Variants in MAD1L1 observed in about 807,000 individuals in gnomAD.
The protein encoded by MAD1L1 is mitotic spindle assembly checkpoint protein MAD1.
In MAD1L1, 95 loss-of-function variants were observed where a neutral mutation model predicts 96.9. The observed-to-expected ratio is 0.98, with a 90% confidence interval of 0.83 to 1.16. The LOEUF is 1.16. MAD1L1 is among the 50% of genes most tolerant of loss of function. The probability of loss-of-function intolerance (pLI) is 0.00; values close to 1 mark genes in which losing one functional copy is unlikely to be tolerated. For synonymous variants in MAD1L1, 473 were observed against 396.6 expected (o/e 1.19, Z -2.29); for missense variants, 1,007 against 954.4 (o/e 1.06, Z -0.73).
intron 17 of MAD1L1, among the ~76,000 whole-genome samples, chr7:1,905,201 T>A (rs1190920383): frequency 1.1e-5 from 1 of 94,906 alleles, no homozygotes; most frequent in Non-Finnish European, 2.3e-5. Context: ...CGGAAGACGC[T>A]CTTGCGGAAT....
chr7:1,901,413 G>C (rs1233786341), intron 17 of MAD1L1, among the ~76,000 whole-genome samples: 1 of 152,198 alleles, frequency 6.6e-6, no homozygotes, highest in African/African-American at 2.4e-5. Context: ...TCCTCTCAGA[G>C]ACCCCAGAAG....
chr7:2,065,855 C>G (rs910144962), intron 12 of MAD1L1, among the ~76,000 whole-genome samples: 1 of 152,180 alleles, frequency 6.6e-6, no homozygotes, highest in Non-Finnish European at 1.5e-5. Context: ...GGAGGCTTTT[C>G]TGTCATTTGA....
intron 18 of MAD1L1, among the ~76,000 whole-genome samples, chr7:1,882,983 TCACCAAACCTCG>T: frequency 9.2e-6 from 1 of 109,218 alleles, no homozygotes; most frequent in African/African-American, 4.1e-5. Context: ...CAGCTCCTTA[TCACCAAACCTCG>T]TGCCACAAAC....
chr7:2,175,956 G>C (rs962245162), intron 10 of MAD1L1, among the ~76,000 whole-genome samples: 3 of 152,210 alleles, frequency 2.0e-5, no homozygotes, highest in African/African-American at 7.2e-5. Context: ...GATATTAAGA[G>C]AGAAGAGAAA....
At chr7:2,003,534 G>T (rs928008618) in intron 13 of MAD1L1, among the ~76,000 whole-genome samples, 5 of 147,256 alleles carry the variant, frequency 3.4e-5, no homozygotes, top group African/African-American at 1.2e-4. Flanking sequence ...GGTTCTGGAC[G>T]CCACAGCAGA....
At chr7:1,826,759 T>C (rs28661143) in intron 18 of MAD1L1, among the ~76,000 whole-genome samples, 68,577 of 152,056 alleles carry the variant, frequency 0.45, 15,572 homozygotes, top group African/African-American at 0.49. Context: ...TGGCAAAAAG[T>C]GTGTCCGGCA....
intron 11 of MAD1L1, among the ~76,000 whole-genome samples, chr7:2,131,037 T>G (rs1788486023): frequency 6.6e-6 from 1 of 152,236 alleles, no homozygotes; most frequent in African/African-American, 2.4e-5. Context: ...GCTTCCCTGG[T>G]GGCCGTCCTG....
chr7:1,922,539 T>G (rs1005010892), intron 17 of MAD1L1, among the ~76,000 whole-genome samples: 10 of 152,218 alleles, frequency 6.6e-5, no homozygotes, highest in African/African-American at 2.4e-4. Flanking sequence ...GTGAACTCGC[T>G]CGACTCGTTT....
intron 10 of MAD1L1, among the ~76,000 whole-genome samples, chr7:2,179,823 T>G (rs1257314836): frequency 2.0e-5 from 3 of 151,786 alleles, no homozygotes; most frequent in Non-Finnish European, 4.4e-5. Flanking sequence ...TACAAAAAAT[T>G]AGCTGGGCGT....
At chr7:1,933,030 G>A (rs1016368637) in intron 17 of MAD1L1, among the ~76,000 whole-genome samples, 3 of 152,186 alleles carry the variant, frequency 2.0e-5, no homozygotes, top group African/African-American at 7.2e-5. Context: ...CTGAAGCCCC[G>A]TCTTCTCTCT....
intron 5 of MAD1L1, among the ~76,000 whole-genome samples, chr7:2,220,279 G>A (rs1280240024): frequency 1.3e-5 from 2 of 152,202 alleles, no homozygotes; most frequent in African/African-American, 4.8e-5. Context: ...AGCCCCTCTG[G>A]CAGCCTCCAG....
chr7:2,061,897 G>A (rs1784676010), intron 12 of MAD1L1, among the ~76,000 whole-genome samples: 1 of 152,232 alleles, frequency 6.6e-6, no homozygotes, highest in South Asian at 2.1e-4. Context: ...TGTAATGGAA[G>A]CCAGGGACTA....
At chr7:2,206,777 C>G (rs755771883) in intron 10 of MAD1L1, among the ~76,000 whole-genome samples, 1 of 152,070 alleles carries the variant, frequency 6.6e-6, no homozygotes, top group Non-Finnish European at 1.5e-5. Context: ...CTTTACATTC[C>G]CATAGAAATT....
intron 12 of MAD1L1, among the ~76,000 whole-genome samples, chr7:2,029,059 T>C (rs576556959): frequency 1.6e-4 from 24 of 151,762 alleles, no homozygotes; most frequent in African/African-American, 5.6e-4. Context: ...CAAAGGGAGG[T>C]AAAGATTGAT....
intron 11 of MAD1L1, among the ~76,000 whole-genome samples, chr7:2,071,856 C>A (rs970170645): frequency 6.6e-6 from 1 of 152,336 alleles, no homozygotes; most frequent in South Asian, 2.1e-4. Flanking sequence ...CCATCAAAAC[C>A]CAAAGGCTTC....
intron 17 of MAD1L1, among the ~76,000 whole-genome samples, chr7:1,928,001 T>G (rs1003248219): frequency 2.6e-5 from 4 of 152,242 alleles, no homozygotes; most frequent in Non-Finnish European, 5.9e-5. Context: ...GGGCAGCTAC[T>G]TCTCCAGACA....
chr7:2,159,732 G>C (rs889035531), intron 10 of MAD1L1, among the ~76,000 whole-genome samples: 1 of 152,110 alleles, frequency 6.6e-6, no homozygotes, highest in African/African-American at 2.4e-5. Flanking sequence ...TTAAAAGTTC[G>C]GTATAACAGG....
intron 11 of MAD1L1, among the ~76,000 whole-genome samples, chr7:2,128,871 C>G (rs1374121582): frequency 1.3e-5 from 2 of 152,240 alleles, no homozygotes; most frequent in Admixed American, 6.5e-5. Flanking sequence ...TGCAGTCTCT[C>G]TGCTCCCACA....
At chr7:2,221,479 C>A (rs564397994) in intron 5 of MAD1L1, among the ~76,000 whole-genome samples, 1 of 152,128 alleles carries the variant, frequency 6.6e-6, no homozygotes, top group Non-Finnish European at 1.5e-5. Flanking sequence ...CCTCCAGGAC[C>A]CCCGCTGCAC....
Sources: gnomAD v4.1 joint callset for allele counts (sites outside exome capture counted in the v4.1 genomes callset) on GRCh38, gnomAD v4.1.1 for gene constraint, MANE v1.5 for transcripts, NCBI Gene and HGNC (gene_info 2026-07-23, HGNC 2026-07-21) for gene names.